RBM48: variants seen among roughly 807,000 people sequenced by gnomAD.
RBM48 encodes the protein RNA binding motif protein 48, also known as RNA-binding protein 48.
In RBM48, 32 loss-of-function variants were observed where a neutral mutation model predicts 34.8. The ratio of observed to expected loss-of-function variants is 0.92; its 90% confidence interval spans 0.69 to 1.23. The LOEUF is 1.23. Ranked by LOEUF, RBM48 falls within the 50% of genes most tolerant of loss-of-function variation. The pLI is 0.00. For synonymous variants in RBM48, 151 were observed against 156.2 expected (o/e 0.97, Z 0.25); for missense variants, 441 against 447.2 (o/e 0.99, Z 0.12).
In RBM48 at chr7:92,528,826, G is replaced by A. The variant is rs1259832351; in HGVS notation, c.13G>A (p.Gly5Ser). The A allele has an allele frequency of 6.2e-7, 1 of 1,614,016 alleles. No individual in the cohort carries two copies. The highest frequency in any genetic ancestry group is 8.5e-7 in the Non-Finnish European group (1 of 1,179,920). Residue 5 changes from glycine (G) to serine (S), a missense_variant, in exon 1 of 5, where the codon GGC becomes AGC. Coordinates refer to ENST00000265732, the MANE Select transcript of RBM48 (RefSeq NM_032120.4). Reference protein sequence around the residue: MASSGGELGSLFDHH... With the variant: MASSSGELGSLFDHH... ...CAAAGTAGGCAAGATGGCGTCGAGC[G>A]GCGGGGAGCTAGGGAGTTTATTTGA...
At chr7:92,533,614 T>G (rs758950643) in intron 3 of RBM48, among the ~76,000 whole-genome samples, 4 of 152,222 alleles carry the variant, frequency 2.6e-5, no homozygotes, top group Admixed American at 6.5e-5. Flanking sequence ...ACACTTTAGT[T>G]AAGCTCTCTT....
chr7:92,535,445 A>C, intron 4 of RBM48: 2 of 1,004,324 alleles, frequency 2.0e-6, no homozygotes, highest in Non-Finnish European at 2.4e-6. Flanking sequence ...TTAGGCCTCC[A>C]GGTATGCATT....
rs986573408 is a variant in RBM48, at chr7:92,540,355, C to T, written c.*3418C>T. On this transcript the variant is annotated 3_prime_UTR_variant, in exon 5 of 5. Coordinates refer to ENST00000265732, the MANE Select transcript of RBM48 (RefSeq NM_032120.4). ...TTCAAAGTCTGCAAGCGATAGCTTG[C>T]CATCATTGTCATAATCTTAGGAAGA... is the stretch of plus-strand genomic sequence containing the variant. 1.3e-5 allele frequency: 2 copies of T among 152,224 alleles called. No individual in the cohort carries two copies. The highest frequency in any genetic ancestry group is 4.8e-5 in the African/African-American group (2 of 41,454). 9.4% of individuals were successfully genotyped at this position (152,224 alleles called of 1,614,324 possible).
At chr7:92,531,267 C>T (rs533292949) in intron 2 of RBM48, among the ~76,000 whole-genome samples, 146 of 152,220 alleles carry the variant, frequency 9.6e-4, no homozygotes, top group African/African-American at 3.3e-3. Context: ...AAAGGTGTAT[C>T]CTGGTCAGAA....
At chr7:92,529,708 C>T (rs374076181) in intron 2 of RBM48, 42 bp downstream of exon 2, 10 of 1,285,976 alleles carry the variant, frequency 7.8e-6, no homozygotes, top group Non-Finnish European at 1.1e-5. Flanking sequence ...CTCATTTCTT[C>T]CATTCATATT....
Position 92,536,890 on chromosome 7 carries a change from G to A in RBM48, c.1057G>A (p.Glu353Lys), listed in dbSNP as rs749960910. ...SVPKPPEDKP[E>K]DVHTSHPLKQ... ...GCCAAAGCCTCCAGAGGACAAGCCAGAAGATGTACATACAAGTCATCCATT... is the reference window on the plus strand; with the variant it reads ...GCCAAAGCCTCCAGAGGACAAGCCAAAAGATGTACATACAAGTCATCCATT... Residue 353 changes from glutamate to lysine, a missense_variant, in exon 5 of 5, where the codon GAA (glutamate) becomes AAA (lysine). Physicochemically the swap from Glu to Lys is moderately conservative, Grantham distance 56. Coordinates refer to ENST00000265732, the MANE Select transcript of RBM48 (RefSeq NM_032120.4). 4.3e-6 allele frequency: 7 copies of A among 1,609,636 alleles called. No individual in the cohort carries two copies. The Admixed American group carries it at 6.7e-5, about 15-fold the overall frequency.
chr7:92,534,820 AGAT>A lies in RBM48; in HGVS notation c.871_873del (p.Asp291del). 2 of 1,614,218 alleles carry A rather than the reference AGAT, an allele frequency of 1.2e-6. No homozygotes were observed. Among genetic ancestry groups the A allele is most frequent in the South Asian group, 2.2e-5 (2 of 91,088 alleles). Reference sequence around the variant, plus strand: ...TGCAGGAGCGCAAAAGAAGAAGAGAAGATGATCGTAAACTTGGAACTTTTCTTC... The same window carrying A: ...TGCAGGAGCGCAAAAGAAGAAGAGAAGATCGTAAACTTGGAACTTTTCTTC... On this transcript the variant is annotated inframe_deletion, in exon 4 of 5. Coordinates refer to ENST00000265732, the MANE Select transcript of RBM48 (RefSeq NM_032120.4).
In RBM48 at chr7:92,536,880, G is replaced by A. The variant is rs12536287; in HGVS notation, c.1047G>A (p.Glu349=). Residue 349 remains glutamate, a synonymous_variant, in exon 5 of 5, where the codon GAG becomes GAA. Transcript: ENST00000265732. ...EVISSVPKPP[E]DKPEDVHTSH... Reference sequence around the variant, plus strand: ...TTTCATCTGTGCCAAAGCCTCCAGAGGACAAGCCAGAAGATGTACATACAA... The same window carrying A: ...TTTCATCTGTGCCAAAGCCTCCAGAAGACAAGCCAGAAGATGTACATACAA... 9,095 of 1,606,940 alleles carry A rather than the reference G, an allele frequency of 5.7e-3. 355 individuals are homozygous for A. The Admixed American group carries it at 0.074, about 13-fold the overall frequency.
chr7:92,536,291 CAAA>C (rs778800427), intron 4 of RBM48: 1 of 977,560 alleles, frequency 1.0e-6, no homozygotes. Flanking sequence ...AATAGAACAA[CAAA>C]AAAAAGATAT....
Position 92,538,965 on chromosome 7 carries a change from G to A in RBM48, c.*2028G>A, listed in dbSNP as rs1354349404. 6.6e-6 allele frequency among the ~76,000 whole-genome samples: 1 copy of A among 152,188 alleles called. No homozygotes were observed. Among genetic ancestry groups the A allele is most frequent in the Non-Finnish European group, 1.5e-5 (1 of 68,032 alleles). On this transcript the variant is annotated 3_prime_UTR_variant, in exon 5 of 5. Transcript: ENST00000265732. Reference sequence around the variant, plus strand: ...CCACCAACATAATTCATCATGAGGAGAGACAGAAAGAAACCTTTGTGGTGT... The same window carrying A: ...CCACCAACATAATTCATCATGAGGAAAGACAGAAAGAAACCTTTGTGGTGT...
At chr7:92,534,992 T>TA in intron 4 of RBM48, 22 bp downstream of exon 4, 1 of 1,612,594 alleles carries the variant, frequency 6.2e-7, no homozygotes. Flanking sequence ...TTTAAAAAAC[T>TA]ATTCTAAGAC....
chr7:92,534,610 CAG>C lies in RBM48; in HGVS notation c.660_661del (p.Arg220SerfsTer6). On this transcript the variant is annotated frameshift_variant, in exon 4 of 5. Transcript: ENST00000265732. LOFTEE classifies it high-confidence loss of function. ...CMCSSGGPVD[R>X]APDSSKDGRN... is the part of the protein sequence containing the mutation. The stretch of plus-strand genomic sequence containing the variant: ...TGTGTTCATCCGGGGGACCTGTAGA[CAG>C]AGCACCAGACTCCTCTAAGGATGGT... 17 of 1,614,172 alleles carry C rather than the reference CAG, an allele frequency of 1.1e-5. No homozygotes were observed. The highest frequency in any genetic ancestry group is 1.4e-5 in the Non-Finnish European group (17 of 1,180,008).
chr7:92,531,857 A>G (rs993301333), intron 2 of RBM48, among the ~76,000 whole-genome samples: 8 of 152,232 alleles, frequency 5.3e-5, no homozygotes, highest in Admixed American at 4.6e-4. Flanking sequence ...TTATCCCTGG[A>G]TATAGAAGTA....
rs1793792510 is a variant in RBM48, at chr7:92,538,939, C to T, written c.*2002C>T. Among the ~76,000 whole-genome samples, 1 of 152,110 alleles carries T rather than the reference C, an allele frequency of 6.6e-6. No homozygotes were observed. Among genetic ancestry groups the T allele is most frequent in the African/African-American group, 2.4e-5 (1 of 41,412 alleles). ...CATGCGGAAGCCAGCACTCCTCATC[C>T]CCACCAACATAATTCATCATGAGGA... On this transcript the variant is annotated 3_prime_UTR_variant, in exon 5 of 5. Transcript: ENST00000265732.
chr7:92,534,901 C>G lies in RBM48; in HGVS notation c.948C>G (p.Ile316Met), dbSNP rs376458235. The change falls in exon 4 of 5, where the codon ATC (isoleucine) becomes ATG (methionine). Residue 316 changes from isoleucine to methionine, a missense_variant. Ile to Met is a conservative substitution (Grantham distance 10). Transcript: ENST00000265732. The part of the protein sequence containing the change: ...EIMIGPLLPD[I>M]SKVDMHDDSL... ...TGATTGGACCTCTGTTACCAGACAT[C>G]TCTAAAGTGGATATGCACGATGACT... 2.0e-5 allele frequency: 33 copies of G among 1,614,058 alleles called. No homozygotes were observed. Among genetic ancestry groups the G allele is most frequent in the Middle Eastern group, 1.6e-4 (1 of 6,082 alleles).
intron 3 of RBM48, among the ~76,000 whole-genome samples, chr7:92,533,828 A>G (rs913036547): frequency 6.6e-6 from 1 of 152,192 alleles, no homozygotes; most frequent in Non-Finnish European, 1.5e-5. Flanking sequence ...TCCTGTTGTA[A>G]TCTGCTTTTG....
In RBM48 at chr7:92,538,208, C is replaced by T. The variant is rs1358888297; in HGVS notation, c.*1271C>T. Among the ~76,000 whole-genome samples the T allele has an allele frequency of 6.6e-6, 1 of 152,102 alleles. No individual in the cohort carries two copies. Among genetic ancestry groups the T allele is most frequent in the Non-Finnish European group, 1.5e-5 (1 of 68,000 alleles). On this transcript the variant is annotated 3_prime_UTR_variant, in exon 5 of 5. Coordinates refer to ENST00000265732, the MANE Select transcript of RBM48 (RefSeq NM_032120.4). ...CAGGAGCGTCGGCAGACTTGTGTCT[C>T]AAGAACCGTGCTCCCTGAAGAAAAA...
rs1191858876 is a variant in RBM48 at position 92,538,596 on chromosome 7, C to A, written c.*1659C>A. 6.6e-6 allele frequency among the ~76,000 whole-genome samples: 1 copy of A among 152,138 alleles called. No homozygotes were observed. The highest frequency in any genetic ancestry group is 1.5e-5 in the Non-Finnish European group (1 of 68,016). Reference sequence around the variant, plus strand: ...TTAGATACAGTTTTTGCTGAAATCTCAGGTAAAGGATATATTAGAGACCTA... The same window carrying A: ...TTAGATACAGTTTTTGCTGAAATCTAAGGTAAAGGATATATTAGAGACCTA... On this transcript the variant is annotated 3_prime_UTR_variant, in exon 5 of 5. Coordinates refer to ENST00000265732, the MANE Select transcript of RBM48 (RefSeq NM_032120.4).
chr7:92,531,798 G>A (rs536109397), intron 2 of RBM48, among the ~76,000 whole-genome samples: 9 of 152,284 alleles, frequency 5.9e-5, no homozygotes, highest in African/African-American at 1.9e-4. Flanking sequence ...CAAGTGAAGC[G>A]CTTATGACAT....
Sources: gnomAD v4.1 joint callset for allele counts (sites outside exome capture counted in the v4.1 genomes callset) on GRCh38, gnomAD v4.1.1 for gene constraint, MANE v1.5 for transcripts, NCBI Gene and HGNC (gene_info 2026-07-23, HGNC 2026-07-21) for gene names.